COL17A1: variants seen among roughly 807,000 people sequenced by gnomAD.
COL17A1 encodes the protein collagen type XVII alpha 1 chain.
COL17A1 carries 181 observed loss-of-function variants against 218.4 expected under a neutral mutation model. The observed-to-expected ratio is 0.83, with a 90% CI of 0.73 to 0.94. The LOEUF is 0.94. Ranked by LOEUF, COL17A1 falls within the 40% of genes least tolerant of loss-of-function variation. COL17A1 has a pLI of 0.00. For synonymous variants in COL17A1, 721 were observed against 731.0 expected (o/e 0.99, Z 0.22); for missense variants, 1,924 against 1,945.9 (o/e 0.99, Z 0.21).
At chr10:104,084,696 G>T (rs1589581866) in intron 1 of COL17A1, among the ~76,000 whole-genome samples, 1 of 152,206 alleles carries the variant, frequency 6.6e-6, no homozygotes, top group South Asian at 2.1e-4. Flanking sequence ...TGTTTTGCAG[G>T]GCCTAAGAGT....
intron 9 of COL17A1, among the ~76,000 whole-genome samples, chr10:104,067,948 A>C (rs1366938851): frequency 6.6e-6 from 1 of 152,192 alleles, no homozygotes; most frequent in Admixed American, 6.5e-5. Context: ...GTAAAAGGAA[A>C]AAAGAGTACA....
rs780289050 is a variant in COL17A1 at position 104,054,007 on chromosome 10, GC to G, written c.1772-26del. On this transcript the variant is annotated intron_variant, in intron 21 of 55. Transcript: ENST00000648076. ...CCTGTGAACACACAAGGATATCTCA[GC>G]CCCTGTTTTCCTCCCAGAAGCCATC... 6.2e-6 allele frequency: 10 copies of G among 1,611,842 alleles called. No homozygotes were observed. In the African/African-American group the frequency reaches 1.3e-4, roughly 21 times the overall value.
At chr10:104,076,528 G>T in intron 4 of COL17A1, 99 bp from the exon 5 acceptor site, 1 of 1,554,936 alleles carries the variant, frequency 6.4e-7, no homozygotes. Flanking sequence ...CACTCAGGGA[G>T]GGTCTTCGGG....
intron 47 of COL17A1, 101 bp from the exon 48 acceptor site, chr10:104,036,733 C>G: frequency 1.4e-6 from 2 of 1,431,352 alleles, no homozygotes; most frequent in East Asian, 2.4e-5. Context: ...CTGGCTCCTG[C>G]GTGACATTTG....
chr10:104,045,683 C>T, intron 33 of COL17A1, 75 bp downstream of exon 33: 1 of 1,250,884 alleles, frequency 8.0e-7, no homozygotes, highest in African/African-American at 1.5e-5. Context: ...AGAGAGAGGC[C>T]TCCTCCTGTC....
rs540348616 is a variant in COL17A1, at chr10:104,077,507, G to A, written c.117C>T (p.Gly39=). 8 of 1,612,716 alleles carry A rather than the reference G, an allele frequency of 5.0e-6. No individual in the cohort carries two copies. The highest frequency in any genetic ancestry group is 1.7e-4 in the Middle Eastern group (1 of 5,868). The part of the protein sequence containing the change: ...SLPPKGGTSN[G]YAKTASLGGG... ...CACCAAGAGAGGCTGTTTTAGCATA[G>A]CCATTGCTGGTCCCGCCTTCTGCCA... The change falls in exon 4 of 56, where the codon GGC becomes GGT. Residue 39 remains glycine, a synonymous_variant. Coordinates refer to ENST00000648076, the MANE Select transcript of COL17A1 (RefSeq NM_000494.4).
chr10:104,054,082 G>A lies in COL17A1; in HGVS notation c.1771+10C>T, dbSNP rs764100323. The A allele has an allele frequency of 3.7e-6, 6 of 1,612,976 alleles. No individual in the cohort carries two copies. The highest frequency in any genetic ancestry group is 1.7e-5 in the Admixed American group (1 of 59,816). Reference sequence around the variant, plus strand: ...ACTGGCAGGCCTGGAGGTCATCAGAGAGTACATACCTGGAGTCCCAGGGAA... The same window carrying A: ...ACTGGCAGGCCTGGAGGTCATCAGAAAGTACATACCTGGAGTCCCAGGGAA... On this transcript the variant is annotated intron_variant, in intron 21 of 55. Transcript: ENST00000648076.
chr10:104,060,008 A>T, intron 14 of COL17A1, 111 bp downstream of exon 14: 2 of 1,527,878 alleles, frequency 1.3e-6, no homozygotes, highest in Admixed American at 3.7e-5. Context: ...TTAGAATGGG[A>T]TGGCTATGGT....
chr10:104,048,212 G>A lies in COL17A1; in HGVS notation c.2228-108C>T, dbSNP rs748806792. On this transcript the variant is annotated intron_variant, in intron 29 of 55. Transcript: ENST00000648076. ...AGCACATTGTGTCCCAGGAGCCCAC[G>A]CAGCCATCAGCCACGGGACAGCCCT... 2.4e-5 allele frequency: 28 copies of A among 1,150,246 alleles called. 2 individuals carry two copies. In the Middle Eastern group the frequency reaches 3.8e-3, roughly 158 times the overall value. The allele number at this position is 1,150,246 out of a possible 1,614,324, so 71.3% of individuals were successfully genotyped here. A position where few individuals can be genotyped will look rare whatever the true frequency, so the allele number is the denominator to read the frequency against.
Position 104,056,061 on chromosome 10 carries a change from A to T in COL17A1, c.1466-58T>A, listed in dbSNP as rs375771704. On this transcript the variant is annotated intron_variant, in intron 17 of 55. Transcript: ENST00000648076. ...GGGCCCGGTCCTTCGCCTTCCATACACTCGCTCCTAGTGGAGAGCCTGACA... is the reference window on the plus strand; with the variant it reads ...GGGCCCGGTCCTTCGCCTTCCATACTCTCGCTCCTAGTGGAGAGCCTGACA... The T allele has an allele frequency of 3.3e-5, 52 of 1,593,700 alleles. 1 individual carries two copies. The highest frequency in any genetic ancestry group is 3.2e-4 in the South Asian group (29 of 90,636).
chr10:104,051,910 G>A lies in COL17A1; in HGVS notation c.2002+245C>T, dbSNP rs805724. Among the ~76,000 whole-genome samples the A allele has an allele frequency of 0.62, 93,779 of 151,992 alleles. 29,466 individuals are homozygous for A. Among genetic ancestry groups the A allele is most frequent in the Admixed American group, 0.69 (10,548 of 15,288 alleles). Reference sequence around the variant, plus strand: ...CACCCACTTAGGGATCACATAACGGGGCCATTGAAGAGAGATGGAAACATG... The same window carrying A: ...CACCCACTTAGGGATCACATAACGGAGCCATTGAAGAGAGATGGAAACATG... On this transcript the variant is annotated intron_variant, in intron 24 of 55. Transcript: ENST00000648076.
chr10:104,071,914 A>C (rs2086672161), intron 8 of COL17A1, 118 bp downstream of exon 8: 2 of 1,484,762 alleles, frequency 1.3e-6, no homozygotes, highest in Admixed American at 1.8e-5. Context: ...GATTGCATGC[A>C]TGTACATACA....
chr10:104,079,965 T>C (rs181336382), intron 2 of COL17A1, among the ~76,000 whole-genome samples: 1 of 151,836 alleles, frequency 6.6e-6, no homozygotes, highest in East Asian at 1.9e-4. Context: ...TAGAGTGCAG[T>C]GGCAGCTTGA....
intron 9 of COL17A1, among the ~76,000 whole-genome samples, chr10:104,065,080 C>T (rs903005470): frequency 6.6e-6 from 1 of 152,218 alleles, no homozygotes; most frequent in Non-Finnish European, 1.5e-5. Flanking sequence ...TCTGGGGCCA[C>T]ACTGCATGCC....
intron 9 of COL17A1, among the ~76,000 whole-genome samples, chr10:104,066,247 C>A (rs2086625166): frequency 6.6e-6 from 1 of 152,118 alleles, no homozygotes; most frequent in South Asian, 2.1e-4. Context: ...ACACCTAAAG[C>A]CCCTGCCCAA....
At chr10:104,074,026 GA>G in intron 6 of COL17A1, 157 bp downstream of exon 6, 1 of 1,130,508 alleles carries the variant, frequency 8.8e-7, no homozygotes, top group Non-Finnish European at 1.3e-6. Context: ...TATGCTTCAG[GA>G]TAAAAAGCAA....
chr10:104,041,264 C>A, intron 38 of COL17A1, 39 bp downstream of exon 38: 3 of 1,599,496 alleles, frequency 1.9e-6, no homozygotes, highest in South Asian at 1.1e-5. Flanking sequence ...CACCTCTCAC[C>A]TCCCCCTCCC....
In COL17A1 at chr10:104,031,885, G is replaced by T; in HGVS notation, c.*350C>A. ...TTTTCTGGGCTCATATTTAGGTAAA[G>T]CTCTAAGACTCCTGAGCCAACTTTT... is the stretch of plus-strand genomic sequence containing the variant. On this transcript the variant is annotated 3_prime_UTR_variant, in exon 56 of 56. Coordinates refer to ENST00000648076, the MANE Select transcript of COL17A1 (RefSeq NM_000494.4). The T allele has an allele frequency of 2.7e-6, 1 of 374,006 alleles. No individual in the cohort carries two copies. Among genetic ancestry groups the T allele is most frequent in the Non-Finnish European group, 5.0e-6 (1 of 199,216 alleles). 23.2% of individuals were successfully genotyped at this position (374,006 alleles called of 1,614,324 possible).
chr10:104,048,053 C>A lies in COL17A1; in HGVS notation c.2263+16G>T, dbSNP rs769224559. 6.2e-7 allele frequency: 1 copy of A among 1,614,156 alleles called. No homozygotes were observed. Among genetic ancestry groups the A allele is most frequent in the Non-Finnish European group, 8.5e-7 (1 of 1,180,018 alleles). On this transcript the variant is annotated intron_variant, in intron 30 of 55. Coordinates refer to ENST00000648076, the MANE Select transcript of COL17A1 (RefSeq NM_000494.4). ...GTGACGGGAGTGAGGCTGGGGGCAGCAGATGAGTGACCAACCTCTTGGGCC... is the reference window on the plus strand; with the variant it reads ...GTGACGGGAGTGAGGCTGGGGGCAGAAGATGAGTGACCAACCTCTTGGGCC...
Sources: allele counts gnomAD v4.1 joint callset (sites outside exome capture counted in the v4.1 genomes callset), GRCh38; gene constraint gnomAD v4.1.1; transcripts MANE v1.5; gene names NCBI Gene and HGNC (gene_info 2026-07-23, HGNC 2026-07-21).